Variants in MAGI2 observed in about 807,000 individuals in gnomAD.
The protein encoded by MAGI2 is membrane-associated guanylate kinase, WW and PDZ domain-containing protein 2.
Under a neutral mutation model 133.3 loss-of-function variants are expected in MAGI2, and 35 were observed. That is an observed-to-expected ratio of 0.26 (90% CI 0.20 to 0.35). The LOEUF (loss-of-function observed/expected upper bound fraction) is 0.35, where lower values mean the gene tolerates loss of function less well. Ranked by LOEUF, MAGI2 falls within the 10% of genes least tolerant of loss-of-function variation. The probability of loss-of-function intolerance (pLI) is 1.00; values close to 1 mark genes in which losing one functional copy is unlikely to be tolerated. For missense variants in MAGI2, 1,636 were observed against 1,863.4 expected (o/e 0.88, Z 2.25); for synonymous variants, 729 against 710.6 (o/e 1.03, Z -0.41).
chr7:78,426,102 A>G (rs1489388864), intron 6 of MAGI2, among the ~76,000 whole-genome samples: 3 of 152,212 alleles, frequency 2.0e-5, no homozygotes, highest in Non-Finnish European at 2.9e-5. Flanking sequence ...ATAATGAATG[A>G]ACAAATGAGG....
At chr7:79,368,621 G>A (rs957179741) in intron 1 of MAGI2, among the ~76,000 whole-genome samples, 26 of 151,942 alleles carry the variant, frequency 1.7e-4, no homozygotes, top group African/African-American at 6.3e-4. Context: ...GGCCGAGGCG[G>A]GCGGATCACG....
At chr7:79,032,518 A>C (rs1352026176) in intron 1 of MAGI2, among the ~76,000 whole-genome samples, 3 of 120,600 alleles carry the variant, frequency 2.5e-5, no homozygotes, top group Non-Finnish European at 3.5e-5. Context: ...ACTCTGACTC[A>C]GAAAAAAAAA....
intron 10 of MAGI2, among the ~76,000 whole-genome samples, chr7:78,233,876 T>C (rs1790233167): frequency 6.6e-6 from 1 of 152,096 alleles, no homozygotes; most frequent in African/African-American, 2.4e-5. Flanking sequence ...AGGATGCGCC[T>C]AGGTAGAAGG....
intron 1 of MAGI2, among the ~76,000 whole-genome samples, chr7:79,425,649 G>C (rs1847313725): frequency 6.6e-6 from 1 of 151,028 alleles, no homozygotes; most frequent in African/African-American, 2.4e-5. Flanking sequence ...CATTGTCTGA[G>C]TCTCAGTTCT....
intron 11 of MAGI2, among the ~76,000 whole-genome samples, chr7:78,199,116 T>G (rs762516921): frequency 6.6e-6 from 1 of 152,150 alleles, no homozygotes; most frequent in Non-Finnish European, 1.5e-5. Flanking sequence ...AGAGTTTGTG[T>G]TACCGGCCAC....
intron 3 of MAGI2, among the ~76,000 whole-genome samples, chr7:78,555,602 T>A (rs1485763012): frequency 6.6e-6 from 1 of 152,184 alleles, no homozygotes; most frequent in Non-Finnish European, 1.5e-5. Flanking sequence ...TCTGAAGGCT[T>A]ATTGTCTGCA....
chr7:78,727,828 C>T lies in MAGI2; in HGVS notation c.419-100589G>A, dbSNP rs549509223. ...TATTTTACACTTACTTATCAAGAGGCATATATGGACCAGTCATTATTTTAC... is the reference window on the plus strand; with the variant it reads ...TATTTTACACTTACTTATCAAGAGGTATATATGGACCAGTCATTATTTTAC... On this transcript the variant is annotated intron_variant, in intron 2 of 21. Coordinates refer to ENST00000354212, the MANE Select transcript of MAGI2 (RefSeq NM_012301.4). Among the ~76,000 whole-genome samples the T allele has an allele frequency of 5.6e-4, 85 of 152,276 alleles. No individual in the cohort carries two copies. In the South Asian group the frequency reaches 0.01, roughly 19 times the overall value.
At chr7:78,457,444 T>C (rs1444289190) in intron 6 of MAGI2, among the ~76,000 whole-genome samples, 1 of 152,206 alleles carries the variant, frequency 6.6e-6, no homozygotes, top group Admixed American at 6.5e-5. Flanking sequence ...TTGAACAAGA[T>C]ATTTCAGCTC....
At chr7:78,378,697 A>G (rs1794666901) in intron 6 of MAGI2, among the ~76,000 whole-genome samples, 1 of 151,954 alleles carries the variant, frequency 6.6e-6, no homozygotes, top group Non-Finnish European at 1.5e-5. Flanking sequence ...TCTACCCAAG[A>G]TCCCTTCCTG....
chr7:78,534,878 TA>T (rs1409517849), intron 3 of MAGI2, among the ~76,000 whole-genome samples: 1 of 152,172 alleles, frequency 6.6e-6, no homozygotes, highest in Non-Finnish European at 1.5e-5. Context: ...CTCACGCCTA[TA>T]ATCCCAGCAC....
chr7:78,783,012 C>T (rs1349831113), intron 2 of MAGI2, among the ~76,000 whole-genome samples: 3 of 96,198 alleles, frequency 3.1e-5, no homozygotes, highest in African/African-American at 4.3e-5. Context: ...TGATTCTTAC[C>T]TTTTTTTTTT....
intron 6 of MAGI2, 57 bp from the exon 7 acceptor site, chr7:78,369,270 G>A (rs931003155): frequency 4.1e-6 from 5 of 1,222,754 alleles, no homozygotes; most frequent in Non-Finnish European, 5.9e-6. Context: ...CTAATAAAAA[G>A]TAATATAATT....
intron 10 of MAGI2, among the ~76,000 whole-genome samples, chr7:78,230,796 T>A (rs1264227874): frequency 6.6e-6 from 1 of 152,230 alleles, no homozygotes; most frequent in East Asian, 1.9e-4. Context: ...CTTCCTTCCA[T>A]GTGACTGGCT....
intron 1 of MAGI2, among the ~76,000 whole-genome samples, chr7:79,423,556 A>G (rs897251106): frequency 1.3e-5 from 2 of 152,072 alleles, no homozygotes. Context: ...TTTTGTGAGG[A>G]GACGAGTCTT....
chr7:78,860,444 T>A (rs1026594125), intron 2 of MAGI2, among the ~76,000 whole-genome samples: 1 of 152,198 alleles, frequency 6.6e-6, no homozygotes, highest in Non-Finnish European at 1.5e-5. Context: ...CCTTTCTGTT[T>A]GTTAGTTTTC....
At chr7:78,382,636 G>T (rs1161470309) in intron 6 of MAGI2, among the ~76,000 whole-genome samples, 1 of 152,034 alleles carries the variant, frequency 6.6e-6, no homozygotes, top group East Asian at 1.9e-4. Context: ...GTATTAGGGT[G>T]TCTACCACCC....
chr7:79,158,297 C>A (rs986617954), intron 1 of MAGI2, among the ~76,000 whole-genome samples: 1 of 151,820 alleles, frequency 6.6e-6, no homozygotes, highest in African/African-American at 2.4e-5. Context: ...CGTTTCACTA[C>A]TAAAAATACA....
chr7:79,438,325 G>A (rs1268994340), intron 1 of MAGI2, among the ~76,000 whole-genome samples: 1 of 151,908 alleles, frequency 6.6e-6, no homozygotes, highest in African/African-American at 2.4e-5. Flanking sequence ...ATATAAAATA[G>A]GCCATTTCTA....
intron 2 of MAGI2, among the ~76,000 whole-genome samples, chr7:78,765,189 G>A (rs1017719753): frequency 9.9e-5 from 15 of 152,106 alleles, no homozygotes; most frequent in African/African-American, 3.6e-4. Flanking sequence ...CTGTCCTAGT[G>A]TATCCACCTA....
Sources: gnomAD v4.1 joint callset for allele counts (sites outside exome capture counted in the v4.1 genomes callset) on GRCh38, gnomAD v4.1.1 for gene constraint, MANE v1.5 for transcripts, NCBI Gene and HGNC (gene_info 2026-07-23, HGNC 2026-07-21) for gene names.